Variants in CHST8 observed in about 807,000 individuals in gnomAD.
CHST8 encodes the protein GALNAC-4-ST1.
CHST8 carries 10 observed loss-of-function variants against 15.0 expected under a neutral mutation model. The observed-to-expected ratio is 0.67, with a 90% confidence interval of 0.41 to 1.13. The LOEUF (loss-of-function observed/expected upper bound fraction) is 1.13. Ranked by LOEUF, CHST8 falls within the 50% of genes most tolerant of loss-of-function variation. CHST8 has a pLI of 0.00. For missense variants in CHST8, 634 were observed against 608.2 expected, an observed-to-expected ratio of 1.04 and a Z score of -0.45; for synonymous variants, 259 against 256.6, an observed-to-expected ratio of 1.01 and a Z score of -0.09.
chr19:33,679,120 G>T (rs1357376215), intron 2 of CHST8, among the ~76,000 whole-genome samples: 3 of 152,196 alleles, frequency 2.0e-5, no homozygotes, highest in African/African-American at 7.2e-5. Context: ...TTGTGTGTCT[G>T]CACCCTGCCA....
At chr19:33,665,838 G>A (rs16968354) in intron 1 of CHST8, among the ~76,000 whole-genome samples, 10,837 of 152,186 alleles carry the variant, frequency 0.071, 1,033 homozygotes, top group African/African-American at 0.22. Context: ...GTGGGCATCC[G>A]GGAAAGTGAT....
At chr19:33,659,059 C>T (rs373222619) in intron 1 of CHST8, among the ~76,000 whole-genome samples, 13 of 78,842 alleles carry the variant, frequency 1.6e-4, no homozygotes, top group South Asian at 5.0e-4. Flanking sequence ...TAGGTAATGA[C>T]TTTTTTTTTT....
chr19:33,633,723 A>G (rs1396570930), intron 1 of CHST8, among the ~76,000 whole-genome samples: 1 of 151,034 alleles, frequency 6.6e-6, no homozygotes, highest in Admixed American at 6.6e-5. Context: ...TGTACTTAGA[A>G]GAGAATTGTT....
intron 1 of CHST8, among the ~76,000 whole-genome samples, chr19:33,666,470 G>A (rs16968356): frequency 0.024 from 3,674 of 152,282 alleles, 128 homozygotes; most frequent in African/African-American, 0.082. Context: ...GGGGTTACGC[G>A]GAGACCAGCA....
intron 3 of CHST8, among the ~76,000 whole-genome samples, chr19:33,734,751 CT>C (rs1236487245): frequency 6.6e-6 from 1 of 152,148 alleles, no homozygotes; most frequent in East Asian, 1.9e-4. Context: ...GAGCTGCCCA[CT>C]CCCACTGGGC....
chr19:33,721,886 TG>T (rs1973799720), intron 3 of CHST8, among the ~76,000 whole-genome samples: 1 of 147,786 alleles, frequency 6.8e-6, no homozygotes, highest in Admixed American at 6.7e-5. Context: ...GATGGGTGGG[TG>T]AGTGGGTAGA....
chr19:33,693,722 TG>T (rs921650330), intron 3 of CHST8, among the ~76,000 whole-genome samples: 16 of 152,258 alleles, frequency 1.1e-4, no homozygotes, highest in African/African-American at 2.4e-4. Context: ...AGGTGAATCT[TG>T]AAGCTTGATC....
At chr19:33,634,426 AT>A (rs1972164404) in intron 1 of CHST8, among the ~76,000 whole-genome samples, 1 of 152,100 alleles carries the variant, frequency 6.6e-6, no homozygotes, top group Admixed American at 6.5e-5. Context: ...CCATCCCCAC[AT>A]TGTGGAAACG....
At position 33,772,380 on chromosome 19, in the gene CHST8, C is replaced by A; in HGVS notation, c.592C>A (p.Pro198Thr). The change falls in exon 5 of 5, where the codon CCC becomes ACC. Residue 198 changes from proline to threonine, a missense_variant. Pro to Thr is a conservative substitution (Grantham distance 38). Transcript: ENST00000650847. ...DRHRVLYCEV[P>T]KAGCSNWKRV... ...CCACCGCGTGCTCTACTGCGAGGTG[C>A]CCAAGGCCGGCTGCTCCAATTGGAA... The A allele has an allele frequency of 6.2e-7, 1 of 1,608,954 alleles. No individual in the cohort carries two copies.
At chr19:33,751,742 C>T (rs946019543) in intron 3 of CHST8, among the ~76,000 whole-genome samples, 1 of 152,214 alleles carries the variant, frequency 6.6e-6, no homozygotes, top group Non-Finnish European at 1.5e-5. Flanking sequence ...GAGGGTGACC[C>T]ACTTAACCTC....
intron 3 of CHST8, among the ~76,000 whole-genome samples, chr19:33,697,976 G>A (rs1005081618): frequency 6.6e-6 from 1 of 152,162 alleles, no homozygotes; most frequent in African/African-American, 2.4e-5. Context: ...AGGGAGTGGT[G>A]CATCAGAAAG....
chr19:33,748,366 G>A (rs1463350546), intron 3 of CHST8, among the ~76,000 whole-genome samples: 1 of 152,262 alleles, frequency 6.6e-6, no homozygotes, highest in East Asian at 1.9e-4. Context: ...CTTCTGCCAG[G>A]ACAGATGGGG....
At chr19:33,771,368 G>A in intron 3 of CHST8, 45 bp from the exon 4 acceptor site, 1 of 1,601,988 alleles carries the variant, frequency 6.2e-7, no homozygotes. Context: ...TGGGAGCCAT[G>A]TGGCAGATCC....
chr19:33,731,248 G>A (rs1376487911), intron 3 of CHST8, among the ~76,000 whole-genome samples: 2 of 152,194 alleles, frequency 1.3e-5, no homozygotes, highest in African/African-American at 4.8e-5. Flanking sequence ...TTGGGCTGCT[G>A]GACTAAGGAT....
intron 2 of CHST8, among the ~76,000 whole-genome samples, chr19:33,678,323 C>T (rs564789311): frequency 6.6e-6 from 1 of 152,180 alleles, no homozygotes; most frequent in Non-Finnish European, 1.5e-5. Flanking sequence ...CTAAATGAGA[C>T]CTGTTTTTCC....
chr19:33,707,994 C>G (rs1159322097), intron 3 of CHST8, among the ~76,000 whole-genome samples: 1 of 152,142 alleles, frequency 6.6e-6, no homozygotes, highest in African/African-American at 2.4e-5. Flanking sequence ...TAATTTGCAT[C>G]TCTCTAATGA....
At chr19:33,668,726 C>T (rs1477176810) in intron 2 of CHST8, among the ~76,000 whole-genome samples, 2 of 151,948 alleles carry the variant, frequency 1.3e-5, no homozygotes, top group Non-Finnish European at 2.9e-5. Context: ...GAAATAAAGG[C>T]TTTTCATCTT....
chr19:33,763,986 G>A (rs1974784304), intron 3 of CHST8, among the ~76,000 whole-genome samples: 1 of 152,230 alleles, frequency 6.6e-6, no homozygotes, highest in Admixed American at 6.5e-5. Context: ...GCCAGGGCTG[G>A]GGGTGGACAG....
At chr19:33,625,683 G>A (rs1470237347) in intron 1 of CHST8, among the ~76,000 whole-genome samples, 1 of 152,040 alleles carries the variant, frequency 6.6e-6, no homozygotes, top group Non-Finnish European at 1.5e-5. Flanking sequence ...CCTACGTGGT[G>A]AAACCCAGTC....
Sources: allele counts gnomAD v4.1 joint callset (sites outside exome capture counted in the v4.1 genomes callset), GRCh38; gene constraint gnomAD v4.1.1; transcripts MANE v1.5; gene names NCBI Gene and HGNC (gene_info 2026-07-23, HGNC 2026-07-21).